OCA2: variants seen among roughly 807,000 people sequenced by gnomAD.
OCA2 encodes the protein OCA2 melanosomal transmembrane protein, also known as P protein.
In OCA2, 77 loss-of-function variants were observed where a neutral mutation model predicts 100.2. That is an observed-to-expected ratio of 0.77 (90% CI 0.64 to 0.93). The LOEUF (loss-of-function observed/expected upper bound fraction) is 0.93, where lower values mean the gene tolerates loss of function less well. Ranked by LOEUF, OCA2 falls within the 40% of genes least tolerant of loss-of-function variation. The pLI, the probability that OCA2 is intolerant of heterozygous loss-of-function variation, is 0.00. For synonymous variants in OCA2, 432 were observed against 439.2 expected (o/e 0.98, Z 0.21); for missense variants, 1,062 against 1,089.1 (o/e 0.98, Z 0.35).
At chr15:28,052,990 G>C (rs2043564035) in intron 2 of OCA2, among the ~76,000 whole-genome samples, 1 of 152,190 alleles carries the variant, frequency 6.6e-6, no homozygotes, top group African/African-American at 2.4e-5. Context: ...GCCAGGTAAG[G>C]CTTCACAGAG....
intron 23 of OCA2, among the ~76,000 whole-genome samples, chr15:27,839,191 G>C (rs892267352): frequency 2.0e-5 from 3 of 152,002 alleles, no homozygotes; most frequent in African/African-American, 7.2e-5. Flanking sequence ...GAAAACAGAA[G>C]ACTAAAGGCA....
intron 23 of OCA2, among the ~76,000 whole-genome samples, chr15:27,775,015 T>TTTGTAG (rs1555404271): frequency 1.3e-5 from 2 of 151,876 alleles, no homozygotes; most frequent in Admixed American, 6.5e-5. Context: ...TAGTTTGTAG[T>TTTGTAG]TTGTAGATAT....
At chr15:27,840,544 C>T (rs2035304869) in intron 23 of OCA2, among the ~76,000 whole-genome samples, 1 of 152,178 alleles carries the variant, frequency 6.6e-6, no homozygotes, top group East Asian at 1.9e-4. Context: ...CAAGACAGTG[C>T]ACTACTGGGG....
the OCA2 span, among the ~76,000 whole-genome samples, chr15:27,726,092 A>T: frequency 1.3e-5 from 2 of 151,890 alleles, no homozygotes; most frequent in East Asian, 3.9e-4. Context: ...AGGGCAGGAG[A>T]TTGAGACCAG....
At chr15:27,944,125 C>T (rs1719552341) in intron 18 of OCA2, among the ~76,000 whole-genome samples, 2 of 152,156 alleles carry the variant, frequency 1.3e-5, no homozygotes, top group Admixed American at 6.5e-5. Flanking sequence ...CTTGGCTTGT[C>T]TCCACATCAG....
chr15:27,734,479 C>T, the OCA2 span, among the ~76,000 whole-genome samples: 76,414 of 151,710 alleles, frequency 0.5, 20,020 homozygotes, highest in Non-Finnish European at 0.55. Context: ...AGCACAGGAC[C>T]TTGCCTTAGG....
intron 2 of OCA2, among the ~76,000 whole-genome samples, chr15:28,050,184 G>A (rs2043465729): frequency 2.0e-5 from 3 of 152,116 alleles, no homozygotes; most frequent in Admixed American, 2.0e-4. Context: ...ACTCAGGAGG[G>A]TGAGGTGGGA....
intron 15 of OCA2, among the ~76,000 whole-genome samples, chr15:27,964,536 C>T (rs959013290): frequency 6.6e-6 from 1 of 152,162 alleles, no homozygotes; most frequent in Non-Finnish European, 1.5e-5. Flanking sequence ...CAAGGCTAGC[C>T]GCTCAGGACT....
chr15:27,924,572 T>C (rs916413630), intron 19 of OCA2, among the ~76,000 whole-genome samples: 11 of 152,178 alleles, frequency 7.2e-5, no homozygotes, highest in Admixed American at 1.3e-4. Context: ...TGTCTGTATT[T>C]TCCACGAGAT....
chr15:27,903,972 T>C (rs2038068031), intron 19 of OCA2, among the ~76,000 whole-genome samples: 1 of 152,208 alleles, frequency 6.6e-6, no homozygotes, highest in South Asian at 2.1e-4. Context: ...TAGCTTTTAA[T>C]GAGGGGATTT....
At chr15:28,040,031 C>CAA (rs57662493) in intron 2 of OCA2, among the ~76,000 whole-genome samples, 7 of 106,998 alleles carry the variant, frequency 6.5e-5, no homozygotes, top group East Asian at 2.6e-4. Flanking sequence ...GACTCCATCT[C>CAA]AAAAAAAAAA....
intron 23 of OCA2, among the ~76,000 whole-genome samples, chr15:27,774,951 G>A (rs1161722825): frequency 6.6e-6 from 1 of 152,164 alleles, no homozygotes; most frequent in Admixed American, 6.5e-5. Flanking sequence ...TACCCAGGCT[G>A]TGGTACTTTG....
Position 27,957,261 on chromosome 15 carries a change from A to G in OCA2, c.1784+327T>C, listed in dbSNP as rs542356591. ...GGTTTTTGGTTTTTGTCGTGCAACAATTACAATGTAGAGAGATGGGACAGC... is the reference window on the plus strand; with the variant it reads ...GGTTTTTGGTTTTTGTCGTGCAACAGTTACAATGTAGAGAGATGGGACAGC... On this transcript the variant is annotated intron_variant, in intron 16 of 23. Transcript: ENST00000354638. This position sits in a 1 kb window ranked among gnomAD's most constrained non-coding sequence, Gnocchi z 4.3. 2.0e-5 allele frequency among the ~76,000 whole-genome samples: 3 copies of G among 152,170 alleles called. No homozygotes were observed. The highest frequency in any genetic ancestry group is 2.9e-5 in the Non-Finnish European group (2 of 68,032).
At chr15:28,028,746 C>A (rs113845648) in intron 3 of OCA2, among the ~76,000 whole-genome samples, 1 of 151,992 alleles carries the variant, frequency 6.6e-6, no homozygotes, top group African/African-American at 2.4e-5. Context: ...AGTGCAGTGG[C>A]GCAATTTCAG....
chr15:28,007,497 A>G (rs906931031), intron 9 of OCA2, among the ~76,000 whole-genome samples: 1 of 152,166 alleles, frequency 6.6e-6, no homozygotes, highest in African/African-American at 2.4e-5. Flanking sequence ...TTGGGAGGCC[A>G]AGGCAGGCAG....
intron 15 of OCA2, among the ~76,000 whole-genome samples, chr15:27,960,066 T>C (rs1464451068): frequency 6.6e-6 from 1 of 152,168 alleles, no homozygotes; most frequent in Non-Finnish European, 1.5e-5. Flanking sequence ...TCCAAGACCA[T>C]AGACCCAGCT....
At chr15:27,963,588 A>G (rs12440942) in intron 15 of OCA2, among the ~76,000 whole-genome samples, 13,328 of 152,174 alleles carry the variant, frequency 0.088, 2,274 homozygotes, top group East Asian at 0.84. Flanking sequence ...TGAAATAAAA[A>G]TAATAAATTA....
rs1467127734 is a variant in OCA2, at chr15:27,966,818, A to G, written c.1508T>C (p.Leu503Pro). Residue 503 changes from leucine (L) to proline (P), a missense_variant, in exon 15 of 24, where the codon CTG becomes CCG. Physicochemically the swap from Leu to Pro is moderately conservative, Grantham distance 98 (BLOSUM62 -3). Transcript: ENST00000354638. Reference sequence around the variant, plus strand: ...GTGTGCAGTGAATCCGGCAAAGTCCAGGCCCTGGAAATAAACAAGGGGAAA... The same window carrying G: ...GTGTGCAGTGAATCCGGCAAAGTCCGGGCCCTGGAAATAAACAAGGGGAAA... ...VSNQELRKMG[L>P]DFAGFTAHMF... The G allele has an allele frequency of 6.2e-7, 1 of 1,610,426 alleles. No homozygotes were observed. The highest frequency in any genetic ancestry group is 2.2e-5 in the East Asian group (1 of 44,836).
At chr15:27,894,718 T>G (rs1224706437) in intron 19 of OCA2, among the ~76,000 whole-genome samples, 1 of 152,234 alleles carries the variant, frequency 6.6e-6, no homozygotes, top group Non-Finnish European at 1.5e-5. Flanking sequence ...GCCTTGGTGC[T>G]GCCCACAGGT....
Sources: gnomAD v4.1 joint callset for allele counts (sites outside exome capture counted in the v4.1 genomes callset) on GRCh38, gnomAD v4.1.1 for gene constraint, Gnocchi (gnomAD v3.1) non-coding constraint, MANE v1.5 for transcripts, NCBI Gene and HGNC (gene_info 2026-07-23, HGNC 2026-07-21) for gene names.